The following LRRK1 variants were observed in gnomAD, a reference collection of about 807,000 sequenced individuals.
The protein encoded by LRRK1 is leucine rich repeat kinase 1.
In LRRK1, 113 loss-of-function variants were observed where a neutral mutation model predicts 209.1. That is an observed-to-expected ratio of 0.54 (90% CI 0.46 to 0.63). LRRK1 has a LOEUF of 0.63. LRRK1 is among the 30% of genes least tolerant of loss of function. The probability of loss-of-function intolerance (pLI) is 0.00; values close to 1 mark genes in which losing one functional copy is unlikely to be tolerated. For missense variants in LRRK1, 2,284 were observed against 2,632.2 expected (o/e 0.87, Z 2.89); for synonymous variants, 1,144 against 1,099.7 (o/e 1.04, Z -0.80).
At chr15:100,981,833 G>A (rs768601311) in intron 3 of LRRK1, among the ~76,000 whole-genome samples, 3 of 152,128 alleles carry the variant, frequency 2.0e-5, no homozygotes, top group Non-Finnish European at 4.4e-5. Context: ...TTTCCTGGGG[G>A]CTCCATTTTA....
At chr15:101,012,412 T>C (rs1372344902) in intron 10 of LRRK1, among the ~76,000 whole-genome samples, 1 of 152,226 alleles carries the variant, frequency 6.6e-6, no homozygotes, top group African/African-American at 2.4e-5. Context: ...TGCCCATATA[T>C]GAGGCTGAGT....
intron 2 of LRRK1, among the ~76,000 whole-genome samples, chr15:100,929,643 A>AT (rs1227024892): frequency 1.3e-5 from 2 of 152,164 alleles, no homozygotes; most frequent in Non-Finnish European, 2.9e-5. Flanking sequence ...CGAGGGACAG[A>AT]TCCCCAGTGA....
At chr15:101,068,116 A>G (rs2036635655) in intron 33 of LRRK1, among the ~76,000 whole-genome samples, 1 of 152,234 alleles carries the variant, frequency 6.6e-6, no homozygotes. Flanking sequence ...CTGTGGCCCA[A>G]AAGGAAACCT....
Position 101,051,718 on chromosome 15 carries a change from A to G in LRRK1, c.3447A>G (p.Thr1149=), listed in dbSNP as rs4965778. The G allele has an allele frequency of 0.4, 653,200 of 1,613,162 alleles. 140,114 individuals carry two copies. The highest frequency in any genetic ancestry group is 0.77 in the East Asian group (34,502 of 44,852). The part of the protein sequence containing the change: ...SLIDQWFPAL[T]ATESDGTPLM... ...TGCTCTGTCCTTATTTAGCCCTGAC[A>G]GCCACAGAGAGCGACGGGACGCCAC... is the stretch of plus-strand genomic sequence containing the variant. Residue 1149 remains threonine, a synonymous_variant, in exon 24 of 34, where the codon ACA becomes ACG. Coordinates refer to ENST00000388948, the MANE Select transcript of LRRK1 (RefSeq NM_024652.6).
intron 6 of LRRK1, among the ~76,000 whole-genome samples, chr15:100,995,266 G>C (rs921690305): frequency 1.3e-5 from 2 of 152,174 alleles, no homozygotes; most frequent in Non-Finnish European, 2.9e-5. Flanking sequence ...AGCCACAGCC[G>C]ACCCAGGTAC....
Position 100,992,009 on chromosome 15 carries a change from A to G in LRRK1, c.762+2611A>G, listed in dbSNP as rs1031349888. On this transcript the variant is annotated intron_variant, in intron 6 of 33. Transcript: ENST00000388948. Reference sequence around the variant, plus strand: ...TAATAAATGATTTTGATAGATGTTGACTCAACCTTGAACTCCTATTATAAA... The same window carrying G: ...TAATAAATGATTTTGATAGATGTTGGCTCAACCTTGAACTCCTATTATAAA... Among the ~76,000 whole-genome samples the G allele has an allele frequency of 1.0e-3, 153 of 152,264 alleles. 1 individual carries two copies. Among genetic ancestry groups the G allele is most frequent in the Admixed American group, 0.01 (153 of 15,296 alleles).
intron 10 of LRRK1, among the ~76,000 whole-genome samples, chr15:101,013,589 A>G (rs2033386176): frequency 6.6e-6 from 1 of 152,190 alleles, no homozygotes; most frequent in South Asian, 2.1e-4. Context: ...ACTCCAGCCT[A>G]AGAAACAGAG....
chr15:100,955,262 T>G (rs1179239604), intron 2 of LRRK1, among the ~76,000 whole-genome samples: 1 of 152,224 alleles, frequency 6.6e-6, no homozygotes, highest in Non-Finnish European at 1.5e-5. Flanking sequence ...CTGTAGCTAT[T>G]GTAAAAGGGA....
chr15:101,024,441 G>A lies in LRRK1; in HGVS notation c.2068-362G>A, dbSNP rs2033929314. Among the ~76,000 whole-genome samples the A allele has an allele frequency of 1.3e-5, 2 of 152,110 alleles. No homozygotes were observed. Among genetic ancestry groups the A allele is most frequent in the African/African-American group, 4.8e-5 (2 of 41,418 alleles). On this transcript the variant is annotated intron_variant, in intron 15 of 33. Transcript: ENST00000388948. This position sits in a 1 kb window ranked among gnomAD's most constrained non-coding sequence, Gnocchi z 4.6. The stretch of plus-strand genomic sequence containing the variant: ...AGGCCCATCTCCTCCTCTTGCCCTG[G>A]CACACAGGGAGGCTGAACCCCAGTG...
intron 2 of LRRK1, among the ~76,000 whole-genome samples, chr15:100,930,236 C>T (rs1435290164): frequency 6.6e-6 from 1 of 152,192 alleles, no homozygotes; most frequent in African/African-American, 2.4e-5. Flanking sequence ...AGATGTGTTG[C>T]CCTCCCTGCA....
At chr15:100,977,877 CA>C (rs1385052397) in intron 3 of LRRK1, among the ~76,000 whole-genome samples, 1 of 152,066 alleles carries the variant, frequency 6.6e-6, no homozygotes, top group Non-Finnish European at 1.5e-5. Flanking sequence ...TGAGACAAGA[CA>C]ACCAAGAGAT....
At chr15:100,968,670 TTTTC>T (rs755374059) in intron 2 of LRRK1, among the ~76,000 whole-genome samples, 238 of 137,186 alleles carry the variant, frequency 1.7e-3, no homozygotes, top group African/African-American at 2.7e-3. Context: ...CTTTCTTTCT[TTTTC>T]TTTCTTTCTT....
intron 12 of LRRK1, among the ~76,000 whole-genome samples, chr15:101,016,325 A>T (rs2033538271): frequency 6.6e-6 from 1 of 150,610 alleles, no homozygotes; most frequent in Non-Finnish European, 1.5e-5. Context: ...TGCCAGGAAG[A>T]AGGCCCTTGC....
chr15:101,049,189 T>C (rs373671031), intron 22 of LRRK1, among the ~76,000 whole-genome samples: 210 of 152,374 alleles, frequency 1.4e-3, no homozygotes, highest in African/African-American at 4.6e-3. Context: ...AAGATTATTT[T>C]AATGTTTACA....
At chr15:100,921,661 A>G (rs2042024495) in intron 1 of LRRK1, among the ~76,000 whole-genome samples, 4 of 152,230 alleles carry the variant, frequency 2.6e-5, no homozygotes, top group Admixed American at 2.6e-4. Flanking sequence ...TCACAAACTC[A>G]TGAAGTTCCC....
chr15:101,015,270 A>G (rs1567233766), intron 11 of LRRK1, 56 bp from the exon 12 acceptor site: 1 of 1,410,746 alleles, frequency 7.1e-7, no homozygotes, highest in East Asian at 2.3e-5. Flanking sequence ...ATCACAGCCA[A>G]AAGTAATGCT....
intron 21 of LRRK1, among the ~76,000 whole-genome samples, chr15:101,047,723 A>G (rs1475806996): frequency 6.6e-6 from 1 of 152,206 alleles, no homozygotes; most frequent in Non-Finnish European, 1.5e-5. Flanking sequence ...GCACACTGGT[A>G]GTCAGCGCAC....
intron 22 of LRRK1, among the ~76,000 whole-genome samples, chr15:101,049,010 G>C (rs2035239008): frequency 6.6e-6 from 1 of 152,176 alleles, no homozygotes; most frequent in Non-Finnish European, 1.5e-5. Flanking sequence ...CCGTCCCCTT[G>C]TTCTGTGAGA....
intron 20 of LRRK1, among the ~76,000 whole-genome samples, chr15:101,031,002 G>A (rs569202910): frequency 1.3e-5 from 2 of 152,252 alleles, no homozygotes; most frequent in Middle Eastern, 3.4e-3. Context: ...GAGAACATAC[G>A]ATGTTGGGTT....
Sources: allele counts gnomAD v4.1 joint callset (sites outside exome capture counted in the v4.1 genomes callset), GRCh38; gene constraint gnomAD v4.1.1; non-coding constraint Gnocchi (gnomAD v3.1); transcripts MANE v1.5; gene names NCBI Gene and HGNC (gene_info 2026-07-23, HGNC 2026-07-21).